The following SBF2 variants were observed in gnomAD, a reference collection of about 807,000 sequenced individuals.
SBF2 encodes myotubularin-related protein 13.
In SBF2, 112 loss-of-function variants were observed where a neutral mutation model predicts 225.2. The ratio of observed to expected loss-of-function variants is 0.50; its 90% CI spans 0.43 to 0.58. The LOEUF is 0.58. Among genes scored for constraint, SBF2 ranks in the 20% least tolerant of loss-of-function variants. The probability of loss-of-function intolerance (pLI) is 0.00; values close to 1 mark genes in which losing one functional copy is unlikely to be tolerated. For missense variants in SBF2, 1,996 were observed against 2,206.2 expected (o/e 0.90, Z 1.91); for synonymous variants, 763 against 773.3 (o/e 0.99, Z 0.22).
At position 10,043,377 on chromosome 11, in the gene SBF2, TGA is replaced by T. The variant is rs1949730626; in HGVS notation, c.142-398_142-397del. Among the ~76,000 whole-genome samples the T allele has an allele frequency of 2.0e-5, 3 of 152,320 alleles. No homozygotes were observed. The Middle Eastern group carries it at 0.01, about 518-fold the overall frequency. Reference sequence around the variant, plus strand: ...TTATTTTTAAATTTCCATATGAATCTGAGAGTCTTCAATTCATTACAAAAAAA... The same window carrying T: ...TTATTTTTAAATTTCCATATGAATCTGAGTCTTCAATTCATTACAAAAAAA... On this transcript the variant is annotated intron_variant, in intron 2 of 39. Coordinates refer to ENST00000256190, the MANE Select transcript of SBF2 (RefSeq NM_030962.4).
chr11:9,916,431 A>G (rs1244169052), intron 16 of SBF2, among the ~76,000 whole-genome samples: 1 of 152,156 alleles, frequency 6.6e-6, no homozygotes, highest in East Asian at 1.9e-4. Flanking sequence ...TGAATGAAAT[A>G]TATTTATATC....
intron 2 of SBF2, among the ~76,000 whole-genome samples, chr11:10,154,155 TC>T (rs144702407): frequency 0.1 from 15,257 of 152,046 alleles, 926 homozygotes; most frequent in Non-Finnish European, 0.11. Context: ...CTAGTGTAGG[TC>T]TTTTGCATTT....
At chr11:10,223,402 TATATATATATATATATATATATATATA>T (rs1958417094) in intron 1 of SBF2, among the ~76,000 whole-genome samples, 2 of 58,390 alleles carry the variant, frequency 3.4e-5, no homozygotes, top group Non-Finnish European at 5.9e-5. Context: ...TTGCACATTA[TATATATATATATATATATATATATATA>T]TATATATATA....
chr11:10,032,464 C>A (rs1362253957), intron 3 of SBF2, among the ~76,000 whole-genome samples: 2 of 152,156 alleles, frequency 1.3e-5, no homozygotes, highest in Admixed American at 6.5e-5. Flanking sequence ...GCTCTATGCG[C>A]TTCTGTGTTA....
chr11:10,238,014 T>C (rs910838026), intron 1 of SBF2, among the ~76,000 whole-genome samples: 2 of 152,226 alleles, frequency 1.3e-5, no homozygotes, highest in Non-Finnish European at 2.9e-5. Flanking sequence ...TATAAGTCTA[T>C]GTATGGGCAT....
intron 17 of SBF2, among the ~76,000 whole-genome samples, chr11:9,892,209 C>T (rs759605627): frequency 6.6e-6 from 1 of 152,004 alleles, no homozygotes; most frequent in African/African-American, 2.4e-5. Context: ...GCCTCTGCCT[C>T]CTGAGTTCAA....
chr11:9,961,210 G>C (rs1276020677), intron 16 of SBF2: 1 of 152,006 alleles, frequency 6.6e-6, no homozygotes, highest in African/African-American at 2.4e-5. Context: ...TCATAAATTT[G>C]ATTAATTATA....
chr11:10,144,977 C>A (rs1161765186), intron 2 of SBF2, among the ~76,000 whole-genome samples: 1 of 152,200 alleles, frequency 6.6e-6, no homozygotes, highest in Non-Finnish European at 1.5e-5. Flanking sequence ...CACTTACATT[C>A]CACTTACTGT....
intron 16 of SBF2, among the ~76,000 whole-genome samples, chr11:9,938,741 A>G (rs970797776): frequency 6.6e-6 from 1 of 152,192 alleles, no homozygotes; most frequent in Admixed American, 6.5e-5. Flanking sequence ...GTATAGTTAT[A>G]AATTCCAGCT....
chr11:10,215,544 GC>G (rs926509699), intron 1 of SBF2, among the ~76,000 whole-genome samples: 1 of 152,106 alleles, frequency 6.6e-6, no homozygotes, highest in Non-Finnish European at 1.5e-5. Flanking sequence ...GATCGCTTGA[GC>G]CCAGGAGGTC....
chr11:9,808,981 C>T lies in SBF2; in HGVS notation c.4177G>A (p.Ala1393Thr). 1 of 1,613,932 alleles carries T rather than the reference C, an allele frequency of 6.2e-7. No individual in the cohort carries two copies. Among genetic ancestry groups the T allele is most frequent in the Non-Finnish European group, 8.5e-7 (1 of 1,179,858 alleles). Residue 1393 changes from alanine (A) to threonine (T), a missense_variant, in exon 31 of 40, where the codon GCT becomes ACT. Coordinates refer to ENST00000256190, the MANE Select transcript of SBF2 (RefSeq NM_030962.4). ...FPQLHRIMQL[A>T]VVVSEVLENG... ...TCAAGTACTTCTGATACAACCACAG[C>T]CAGCTGCATTATCCTGTGAAGCTAA...
At chr11:9,929,126 C>A (rs549611516) in intron 16 of SBF2, 218 of 279,214 alleles carry the variant, frequency 7.8e-4, no homozygotes, top group African/African-American at 4.6e-3. Flanking sequence ...GAGCAATCAT[C>A]AAAGCTCATC....
intron 2 of SBF2, among the ~76,000 whole-genome samples, chr11:10,165,532 G>A (rs567269423): frequency 5.3e-5 from 8 of 152,234 alleles, no homozygotes; most frequent in South Asian, 4.1e-4. Context: ...AAGATTTGCC[G>A]AAGTTGAATT....
intron 1 of SBF2, among the ~76,000 whole-genome samples, chr11:10,248,457 T>G (rs1367060752): frequency 1.3e-5 from 2 of 152,218 alleles, no homozygotes; most frequent in Non-Finnish European, 2.9e-5. Context: ...GGCTTGGGAC[T>G]TGTGGAGTGA....
chr11:9,874,422 A>G (rs527512568), intron 17 of SBF2, among the ~76,000 whole-genome samples: 1 of 152,340 alleles, frequency 6.6e-6, no homozygotes, highest in African/African-American at 2.4e-5. Flanking sequence ...TACAAAAAGC[A>G]AAGTCTTAAA....
chr11:10,194,135 T>C, intron 1 of SBF2, 148 bp from the exon 2 acceptor site: 2 of 693,212 alleles, frequency 2.9e-6, no homozygotes, highest in Non-Finnish European at 2.6e-6. Context: ...CATGTGAGTA[T>C]GCATCATCTA....
chr11:9,971,509 T>G (rs1003635610), intron 13 of SBF2, among the ~76,000 whole-genome samples: 3 of 151,962 alleles, frequency 2.0e-5, no homozygotes, highest in African/African-American at 7.3e-5. Context: ...TGAGACCCCA[T>G]TTCTACAAAA....
In SBF2 at chr11:10,137,213, A is replaced by G. The variant is rs377305867; in HGVS notation, c.141+56689T>C. ...TTTTCCACATCTTCATTGACAGGAT[A>G]TACAAAAATACAATTAGTTTTTGTA... On this transcript the variant is annotated intron_variant, in intron 2 of 39. Coordinates refer to ENST00000256190, the MANE Select transcript of SBF2 (RefSeq NM_030962.4). Among the ~76,000 whole-genome samples the G allele has an allele frequency of 2.0e-5, 3 of 152,334 alleles. No homozygotes were observed. The East Asian group carries it at 5.8e-4, about 29-fold the overall frequency.
At chr11:9,976,315 G>C (rs1401436527) in intron 13 of SBF2, among the ~76,000 whole-genome samples, 1 of 152,026 alleles carries the variant, frequency 6.6e-6, no homozygotes, top group South Asian at 2.1e-4. Context: ...CTCATGATCT[G>C]CCCGCCTCGG....
Sources: gnomAD v4.1 joint callset for allele counts (sites outside exome capture counted in the v4.1 genomes callset) on GRCh38, gnomAD v4.1.1 for gene constraint, MANE v1.5 for transcripts, NCBI Gene and HGNC (gene_info 2026-07-23, HGNC 2026-07-21) for gene names.